Variants in MEI1 observed in about 807,000 individuals in gnomAD.
The protein encoded by MEI1 is meiosis inhibitor protein 1.
Under a neutral mutation model 146.2 loss-of-function variants are expected in MEI1, and 103 were observed. That is an observed-to-expected ratio of 0.70 (90% confidence interval 0.60 to 0.83). The LOEUF (loss-of-function observed/expected upper bound fraction) is 0.83. MEI1 is among the 40% of genes least tolerant of loss of function. The pLI, the probability that MEI1 is intolerant of heterozygous loss-of-function variation, is 0.00. For missense variants in MEI1, 1,529 were observed against 1,533.0 expected (o/e 1.00, Z 0.04); for synonymous variants, 652 against 628.2 (o/e 1.04, Z -0.57).
chr22:41,708,593 A>C (rs536649484), intron 3 of MEI1, among the ~76,000 whole-genome samples: 5 of 152,214 alleles, frequency 3.3e-5, no homozygotes, highest in Admixed American at 6.5e-5. Context: ...TCTTCATCTG[A>C]TGCTCTGAAC....
In MEI1 at chr22:41,799,449, C is replaced by G. The variant is rs755682582; in HGVS notation, c.*150C>G. ...TAGAATAAGGAAATAAAATGATACACTCACATACCTGCGCGAGCTCTCCAA... is the reference window on the plus strand; with the variant it reads ...TAGAATAAGGAAATAAAATGATACAGTCACATACCTGCGCGAGCTCTCCAA... On this transcript the variant is annotated 3_prime_UTR_variant, in exon 31 of 31. Coordinates refer to ENST00000401548, the MANE Select transcript of MEI1 (RefSeq NM_152513.4). 9.8e-5 allele frequency: 69 copies of G among 704,846 alleles called. No homozygotes were observed. The highest frequency in any genetic ancestry group is 1.5e-4 in the Non-Finnish European group (63 of 423,180). 43.7% of individuals were successfully genotyped at this position (704,846 alleles called of 1,614,324 possible).
chr22:41,770,589 A>T (rs1437180828), intron 19 of MEI1, 97 bp from the exon 20 acceptor site: 28 of 1,190,550 alleles, frequency 2.4e-5, no homozygotes, highest in Non-Finnish European at 3.2e-5. Flanking sequence ...GAATACTGAG[A>T]TGACAGTACA....
chr22:41,757,133 C>T (rs911804978), intron 17 of MEI1, among the ~76,000 whole-genome samples: 11 of 152,130 alleles, frequency 7.2e-5, no homozygotes, highest in African/African-American at 9.7e-5. Context: ...CTCGCTCTGT[C>T]GCCCATGCTG....
intron 6 of MEI1, among the ~76,000 whole-genome samples, chr22:41,719,483 G>T (rs1365856024): frequency 6.6e-6 from 1 of 152,228 alleles, no homozygotes; most frequent in Admixed American, 6.5e-5. Context: ...CACTGTGCCT[G>T]GCCTGAACTT....
chr22:41,708,774 C>T (rs1214697476), intron 3 of MEI1, among the ~76,000 whole-genome samples: 1 of 152,214 alleles, frequency 6.6e-6, no homozygotes, highest in Admixed American at 6.5e-5. Context: ...ATCTCAGTGG[C>T]ATCACTGGAA....
intron 20 of MEI1, among the ~76,000 whole-genome samples, chr22:41,774,901 C>T (rs145743407): frequency 6.6e-6 from 1 of 152,192 alleles, no homozygotes; most frequent in Non-Finnish European, 1.5e-5. Context: ...CCTGTGACCC[C>T]ATCCCTCTCC....
chr22:41,781,765 TCTCCCAGGACTGCACTC>T lies in MEI1; in HGVS notation c.3011_3027del (p.Pro1004LeufsTer124). On this transcript the variant is annotated frameshift_variant, in exon 24 of 31. Transcript: ENST00000401548. LOFTEE classifies it high-confidence loss of function. ...GGCCCTCACCTTGGCAAAGGCAGATTCTCCCAGGACTGCACTCCTCTGCTCTGCCTGGCTGCTCACTG... is the reference window on the plus strand; with the variant it reads ...GGCCCTCACCTTGGCAAAGGCAGATTCTCTGCTCTGCCTGGCTGCTCACTG... The T allele has an allele frequency of 1.2e-6, 2 of 1,613,962 alleles. No homozygotes were observed. Among genetic ancestry groups the T allele is most frequent in the Non-Finnish European group, 1.7e-6 (2 of 1,179,896 alleles).
chr22:41,746,133 G>T, intron 14 of MEI1, 107 bp downstream of exon 14: 1 of 1,095,464 alleles, frequency 9.1e-7, no homozygotes, highest in Non-Finnish European at 1.2e-6. Flanking sequence ...GGAACTCTCT[G>T]GGGGCCTCAG....
chr22:41,752,523 C>G, intron 15 of MEI1, 68 bp from the exon 16 acceptor site: 1 of 1,400,292 alleles, frequency 7.1e-7, no homozygotes, highest in Non-Finnish European at 9.9e-7. Context: ...TGATACCACC[C>G]AGGCTTGGGA....
At chr22:41,711,964 G>A (rs1451978515) in intron 3 of MEI1, among the ~76,000 whole-genome samples, 2 of 151,676 alleles carry the variant, frequency 1.3e-5, no homozygotes, top group East Asian at 3.9e-4. Flanking sequence ...GTCCCTGGGA[G>A]GCCAAGGCGG....
At chr22:41,791,316 A>C (rs1413220339) in intron 26 of MEI1, among the ~76,000 whole-genome samples, 1 of 149,558 alleles carries the variant, frequency 6.7e-6, no homozygotes, top group Non-Finnish European at 1.5e-5. Context: ...GCACAACCCT[A>C]TCTCTATAAA....
intron 7 of MEI1, among the ~76,000 whole-genome samples, chr22:41,726,107 A>G (rs566445419): frequency 9.2e-5 from 14 of 152,230 alleles, no homozygotes; most frequent in East Asian, 5.8e-4. Flanking sequence ...GTGAAACTCT[A>G]TCTCTACTAA....
At chr22:41,774,159 G>A (rs139998305) in intron 20 of MEI1, 3 of 152,230 alleles carry the variant, frequency 2.0e-5, no homozygotes, top group South Asian at 2.1e-4. Context: ...GCCAAGTTAC[G>A]CTGGTCTGTC....
chr22:41,762,000 T>A (rs1257862144), intron 18 of MEI1, among the ~76,000 whole-genome samples: 1 of 152,270 alleles, frequency 6.6e-6, no homozygotes, highest in Non-Finnish European at 1.5e-5. Flanking sequence ...TATACCTTTG[T>A]ATGTATACAC....
intron 15 of MEI1, among the ~76,000 whole-genome samples, chr22:41,749,349 C>G (rs2073579278): frequency 1.3e-5 from 2 of 151,932 alleles, no homozygotes; most frequent in South Asian, 4.1e-4. Flanking sequence ...GATCTCGGCT[C>G]ACCGCAACCT....
In MEI1 at chr22:41,738,806, T is replaced by TAAGTA. The variant is rs1267881308; in HGVS notation, c.1332-4272_1332-4271insGTAAA. Among the ~76,000 whole-genome samples, 175 of 40,190 alleles carry TAAGTA rather than the reference T, an allele frequency of 4.4e-3. 3 individuals are homozygous for TAAGTA. The East Asian group carries it at 0.19, about 44-fold the overall frequency. 26.4% of individuals were successfully genotyped at this position (40,190 alleles called of 152,430 possible). On this transcript the variant is annotated intron_variant, in intron 11 of 30. Coordinates refer to ENST00000401548, the MANE Select transcript of MEI1 (RefSeq NM_152513.4). ...ATAAATAAATAAATAAGTAATAAAA[T>TAAGTA]AAATAAATAAAATTAGCTGGGTGTG...
intron 3 of MEI1, chr22:41,709,473 CT>C: frequency 3.1e-6 from 2 of 653,856 alleles, no homozygotes; most frequent in East Asian, 6.6e-5. Flanking sequence ...CACCTTCAGC[CT>C]TTGTCTTGGG....
chr22:41,700,749 A>ATTTTTTTTT (rs78862314), intron 1 of MEI1, among the ~76,000 whole-genome samples: 1 of 117,670 alleles, frequency 8.5e-6, no homozygotes, highest in African/African-American at 3.8e-5. Context: ...GCAGTTCTCA[A>ATTTTTTTTT]TTTTTTTTTT....
Position 41,778,728 on chromosome 22 carries a change from C to A in MEI1, c.2731C>A (p.Leu911Met). 1 of 1,606,580 alleles carries A rather than the reference C, an allele frequency of 6.2e-7. No individual in the cohort carries two copies. The highest frequency in any genetic ancestry group is 8.5e-7 in the Non-Finnish European group (1 of 1,176,668). ...PSGASGNLPLLLSLLSLMQLR... is the reference protein window; with the variant it reads ...PSGASGNLPLMLSLLSLMQLR... ...CACAGCCTCGGGGAACCTACCATTG[C>A]TGCTGAGCCTCCTCTCCCTGATGCA... Residue 911 changes from leucine to methionine, a missense_variant, in exon 22 of 31, where the codon CTG (leucine) becomes ATG (methionine). This residue lies in a region of MEI1 where 1,212 missense variants were observed against 1,178.9 expected (regional missense o/e 1.03). Transcript: ENST00000401548.
Sources: allele counts gnomAD v4.1 joint callset (sites outside exome capture counted in the v4.1 genomes callset), GRCh38; gene constraint gnomAD v4.1.1; regional missense constraint gnomAD v4.1.1; transcripts MANE v1.5; gene names NCBI Gene and HGNC (gene_info 2026-07-23, HGNC 2026-07-21).